Variants in STRIP1 observed in about 807,000 individuals in gnomAD.
STRIP1 encodes the protein striatin-interacting protein 1.
Under a neutral mutation model 106.2 loss-of-function variants are expected in STRIP1, and 63 were observed. The ratio of observed to expected loss-of-function variants is 0.59; its 90% CI spans 0.48 to 0.73. The LOEUF is 0.73. STRIP1 is among the 30% of genes least tolerant of loss of function. The pLI, the probability that STRIP1 is intolerant of heterozygous loss-of-function variation, is 0.00. For synonymous variants in STRIP1, 390 were observed against 413.0 expected (o/e 0.94, Z 0.67); for missense variants, 857 against 1,074.8 (o/e 0.80, Z 2.83).
In STRIP1 at chr1:110,044,968, G is replaced by A. The variant is rs1310734285; in HGVS notation, c.1353-47G>A. 9 of 1,613,564 alleles carry A rather than the reference G, an allele frequency of 5.6e-6. No individual in the cohort carries two copies. The East Asian group carries it at 1.1e-4, about 20-fold the overall frequency. ...CCGGCCTTTGGTGTTTGGGATCCCA[G>A]GTGATTTGATGTCGAGGCTCAACAC... On this transcript the variant is annotated intron_variant, in intron 11 of 20. Transcript: ENST00000369795.
chr1:110,053,274 G>T (rs1471083384), intron 20 of STRIP1, among the ~76,000 whole-genome samples: 1 of 152,240 alleles, frequency 6.6e-6, no homozygotes, highest in Non-Finnish European at 1.5e-5. Flanking sequence ...TACTCTCAAT[G>T]CCCTGTGAAT....
intron 1 of STRIP1, among the ~76,000 whole-genome samples, chr1:110,035,263 G>T (rs1290392276): frequency 1.3e-5 from 2 of 152,232 alleles, no homozygotes; most frequent in Non-Finnish European, 2.9e-5. Flanking sequence ...GCAGAGGAAG[G>T]CGCGTGTGGG....
intron 17 of STRIP1, chr1:110,050,123 C>A: frequency 1.8e-6 from 1 of 544,768 alleles, no homozygotes; most frequent in Admixed American, 3.3e-5. Context: ...ACAAGATCAA[C>A]AAGCTGGCCT....
At chr1:110,051,233 C>T (rs1434265285) in intron 19 of STRIP1, among the ~76,000 whole-genome samples, 173 bp downstream of exon 19, 4 of 152,216 alleles carry the variant, frequency 2.6e-5, no homozygotes, top group African/African-American at 7.2e-5. Context: ...GAACTGGAAG[C>T]TGGAAGAGGC....
intron 19 of STRIP1, 110 bp downstream of exon 19, chr1:110,051,170 C>A: frequency 1.4e-6 from 1 of 740,486 alleles, no homozygotes; most frequent in Non-Finnish European, 2.4e-6. Context: ...CTTAACTTTG[C>A]TGTAGCCGTA....
intron 13 of STRIP1, among the ~76,000 whole-genome samples, chr1:110,047,041 C>G (rs1239961846): frequency 1.3e-5 from 2 of 151,980 alleles, no homozygotes; most frequent in African/African-American, 2.4e-5. Context: ...CAGAGCGAGA[C>G]CATCTCAAAA....
chr1:110,041,712 G>C, intron 7 of STRIP1, 22 bp from the exon 8 acceptor site: 5 of 1,614,130 alleles, frequency 3.1e-6, no homozygotes, highest in Non-Finnish European at 4.2e-6. Flanking sequence ...GGAGGGTCCT[G>C]ATACCTTTGT....
intron 3 of STRIP1, chr1:110,038,959 A>G (rs1050808218): frequency 4.5e-5 from 32 of 710,410 alleles, no homozygotes; most frequent in South Asian, 7.9e-5. Flanking sequence ...ATTAGGGGAG[A>G]AAAAAAAATC....
At chr1:110,035,528 G>A (rs893386069) in intron 1 of STRIP1, among the ~76,000 whole-genome samples, 3 of 152,174 alleles carry the variant, frequency 2.0e-5, no homozygotes, top group Admixed American at 1.3e-4. Context: ...AGCCGTTCCT[G>A]CCGTTCTGGA....
At chr1:110,037,843 A>G (rs1200819849) in intron 1 of STRIP1, 48 bp from the exon 2 acceptor site, 1 of 1,309,602 alleles carries the variant, frequency 7.6e-7, no homozygotes, top group East Asian at 2.3e-5. Flanking sequence ...AGTTTCTTTG[A>G]TAAATAGAAT....
intron 10 of STRIP1, 92 bp from the exon 11 acceptor site, chr1:110,044,748 T>G: frequency 1.6e-6 from 2 of 1,251,504 alleles, no homozygotes. Flanking sequence ...GCTTCACAGT[T>G]TCTGGATGCT....
In STRIP1 at chr1:110,034,643, G is replaced by A; in HGVS notation, c.6G>A (p.Glu2=). The change falls in exon 1 of 21, where the codon GAG becomes GAA. Residue 2 remains glutamate, a synonymous_variant. Coordinates refer to ENST00000369795, the MANE Select transcript of STRIP1 (RefSeq NM_033088.4). ...GGGGGTGTGGAGCAGCCAAGATGGA[G>A]CCGGCAGTCGGCGGTCCGGGCCCAC... M[E]PAVGGPGPLI... 6.6e-7 allele frequency: 1 copy of A among 1,521,266 alleles called. No homozygotes were observed. Among genetic ancestry groups the A allele is most frequent in the Non-Finnish European group, 8.8e-7 (1 of 1,135,506 alleles). The allele number at this position is 1,521,266 out of a possible 1,614,324, so 94.2% of individuals were successfully genotyped here.
At chr1:110,040,747 A>G (rs367854250) in intron 6 of STRIP1, 44 bp downstream of exon 6, 1 of 1,555,680 alleles carries the variant, frequency 6.4e-7, no homozygotes, top group Non-Finnish European at 8.7e-7. Context: ...TTAGTCAGAG[A>G]TGAGATCAGA....
At chr1:110,045,188 G>C in intron 12 of STRIP1, 110 bp downstream of exon 12, 1 of 933,636 alleles carries the variant, frequency 1.1e-6, no homozygotes, top group East Asian at 2.5e-5. Context: ...AAGAACCTGG[G>C]GTAGAGGCCG....
intron 6 of STRIP1, 83 bp from the exon 7 acceptor site, chr1:110,041,453 T>G: frequency 1.1e-6 from 1 of 918,498 alleles, no homozygotes; most frequent in Non-Finnish European, 1.8e-6. Context: ...AAGCCCCTGC[T>G]TTGTGTAAGC....
intron 6 of STRIP1, 61 bp downstream of exon 6, chr1:110,040,764 T>A: frequency 7.0e-7 from 1 of 1,430,834 alleles, no homozygotes; most frequent in Non-Finnish European, 9.5e-7. Context: ...CAGAGCAGGG[T>A]GTGGGAGGCT....
At chr1:110,048,327 G>A (rs1653129098) in intron 15 of STRIP1, 2 of 190,324 alleles carry the variant, frequency 1.1e-5, no homozygotes, top group Admixed American at 5.3e-5. Flanking sequence ...GCGATAGAGT[G>A]AGATTCTTCA....
chr1:110,046,568 C>T, intron 12 of STRIP1, 112 bp from the exon 13 acceptor site: 2 of 909,936 alleles, frequency 2.2e-6, no homozygotes. Context: ...TGACTTAATC[C>T]TCTTTCAGAA....
At chr1:110,051,136 G>A (rs1653280992) in intron 19 of STRIP1, 76 bp downstream of exon 19, 3 of 969,768 alleles carry the variant, frequency 3.1e-6, no homozygotes, top group Non-Finnish European at 5.0e-6. Flanking sequence ...GAGTCCCCAG[G>A]GTGGGGCTCA....
Sources: allele counts gnomAD v4.1 joint callset (sites outside exome capture counted in the v4.1 genomes callset), GRCh38; gene constraint gnomAD v4.1.1; transcripts MANE v1.5; gene names NCBI Gene and HGNC (gene_info 2026-07-23, HGNC 2026-07-21).